NELFB: variants seen among roughly 807,000 people sequenced by gnomAD.
NELFB encodes negative elongation factor complex member B.
Under a neutral mutation model 60.2 loss-of-function variants are expected in NELFB, and 34 were observed. That is an observed-to-expected ratio of 0.56 (90% CI 0.43 to 0.75). The LOEUF is 0.75. Among genes scored for constraint, NELFB ranks in the 30% least tolerant of loss-of-function variants. The pLI, the probability that NELFB is intolerant of heterozygous loss-of-function variation, is 0.00. For synonymous variants in NELFB, 459 were observed against 382.1 expected (o/e 1.20, Z -2.35); for missense variants, 770 against 831.6 (o/e 0.93, Z 0.91).
At chr9:137,262,242 C>G (rs973587974) in intron 4 of NELFB, among the ~76,000 whole-genome samples, 1 of 152,106 alleles carries the variant, frequency 6.6e-6, no homozygotes, top group Non-Finnish European at 1.5e-5. Flanking sequence ...TCTCTAAACT[C>G]CCCCGGGGAA....
intron 4 of NELFB, among the ~76,000 whole-genome samples, chr9:137,257,346 T>G (rs1306181757): frequency 6.6e-6 from 1 of 152,264 alleles, no homozygotes; most frequent in African/African-American, 2.4e-5. Context: ...TCTTTTTCTT[T>G]GAGACGGAGT....
At chr9:137,256,490 A>C in intron 3 of NELFB, 62 bp downstream of exon 3, 1 of 1,485,268 alleles carries the variant, frequency 6.7e-7, no homozygotes, top group East Asian at 2.3e-5. Context: ...GCCCTTGGTT[A>C]GTGGAAGTTC....
Position 137,255,630 on chromosome 9 carries a change from C to CT in NELFB, c.246+19_246+20insT, listed in dbSNP as rs745906856. The CT allele has an allele frequency of 7.1e-6, 11 of 1,539,284 alleles. 1 individual carries two copies. The South Asian group carries it at 1.3e-4, about 19-fold the overall frequency. Reference sequence around the variant, plus strand: ...GTTCCAGGTGGGGCGGCCCCCGGGGCGGGGGGAGCCCAGTTGGAGGGCCGG... The same window carrying CT: ...GTTCCAGGTGGGGCGGCCCCCGGGGCTGGGGGGAGCCCAGTTGGAGGGCCGG... On this transcript the variant is annotated intron_variant, in intron 1 of 12. Coordinates refer to ENST00000343053, the MANE Select transcript of NELFB (RefSeq NM_015456.5).
At chr9:137,261,979 C>CAGAGAGAG (rs61420748) in intron 4 of NELFB, among the ~76,000 whole-genome samples, 37 of 150,240 alleles carry the variant, frequency 2.5e-4, no homozygotes, top group East Asian at 3.9e-4. Flanking sequence ...GCAGCCTAGG[C>CAGAGAGAG]AGAGAGAGAG....
chr9:137,271,892 C>A (rs1830588216), intron 10 of NELFB, among the ~76,000 whole-genome samples, 189 bp from the exon 11 acceptor site: 1 of 151,516 alleles, frequency 6.6e-6, no homozygotes, highest in Non-Finnish European at 1.5e-5. Flanking sequence ...AGGTCCCACC[C>A]CCTGCCTGCC....
rs372024826 is a variant in NELFB, at chr9:137,272,626, G to A, written c.1740+11G>A. 1.8e-4 allele frequency: 289 copies of A among 1,571,656 alleles called. 2 individuals carry two copies. In the East Asian group the frequency reaches 2.0e-3, roughly 11 times the overall value. ...GAGCCTACAGGCCAGGTGGGTGCCC[G>A]GGGGGGCTGCATCTGAAGGCACCTG... is the stretch of plus-strand genomic sequence containing the variant. On this transcript the variant is annotated intron_variant, in intron 12 of 12. Transcript: ENST00000343053.
intron 6 of NELFB, among the ~76,000 whole-genome samples, 155 bp downstream of exon 6, chr9:137,264,512 A>G (rs1294524548): frequency 6.6e-6 from 1 of 152,204 alleles, no homozygotes; most frequent in Non-Finnish European, 1.5e-5. Context: ...GTAGCCCAGG[A>G]TGGAGTGCAG....
Position 137,267,424 on chromosome 9 carries a change from C to T in NELFB, c.1489+78C>T. 2.4e-6 allele frequency: 3 copies of T among 1,252,396 alleles called. No individual in the cohort carries two copies. In the South Asian group the frequency reaches 4.3e-5, roughly 18 times the overall value. 77.6% of individuals were successfully genotyped at this position (1,252,396 alleles called of 1,614,324 possible). A position where few individuals can be genotyped will look rare whatever the true frequency, so the allele number is the denominator to read the frequency against. Reference sequence around the variant, plus strand: ...ATGCAGTCCTGCCCAGGGTGCGGGCCCCAGGGCCCCCAGGAGCTGCCTTGT... The same window carrying T: ...ATGCAGTCCTGCCCAGGGTGCGGGCTCCAGGGCCCCCAGGAGCTGCCTTGT... On this transcript the variant is annotated intron_variant, in intron 10 of 12. Coordinates refer to ENST00000343053, the MANE Select transcript of NELFB (RefSeq NM_015456.5).
In NELFB at chr9:137,271,520, G is replaced by T. The variant is rs146021776; in HGVS notation, c.1490-561G>T. Among the ~76,000 whole-genome samples, 10 of 152,378 alleles carry T rather than the reference G, an allele frequency of 6.6e-5. No individual in the cohort carries two copies. In the East Asian group the frequency reaches 1.7e-3, roughly 26 times the overall value. ...CCAACACCGTGGCTTCTGTGCTGTG[G>T]TCGCACGTGAGGCGTCTGTGGGCAC... On this transcript the variant is annotated intron_variant, in intron 10 of 12. Transcript: ENST00000343053.
At chr9:137,271,990 CAGA>C (rs1188210430) in intron 10 of NELFB, 88 bp from the exon 11 acceptor site, 1 of 1,534,446 alleles carries the variant, frequency 6.5e-7, no homozygotes, top group Non-Finnish European at 8.9e-7. Flanking sequence ...TGAGCACCCC[CAGA>C]AGTAGGTTCT....
In NELFB at chr9:137,255,516, G is replaced by T; in HGVS notation, c.151G>T (p.Ala51Ser). 6.5e-7 allele frequency: 1 copy of T among 1,538,014 alleles called. No homozygotes were observed. The highest frequency in any genetic ancestry group is 8.7e-7 in the Non-Finnish European group (1 of 1,142,946). The stretch of plus-strand genomic sequence containing the variant: ...GGTGGCCGGGGCCTCGGCCATGTTC[G>T]CGGGGCTGCAGGACCTGGGCGTGGC... Residue 51 changes from alanine (A) to serine (S), a missense_variant, in exon 1 of 13, where the codon GCG (alanine) becomes TCG (serine). Coordinates refer to ENST00000343053, the MANE Select transcript of NELFB (RefSeq NM_015456.5).
intron 8 of NELFB, among the ~76,000 whole-genome samples, 156 bp from the exon 9 acceptor site, chr9:137,266,788 G>A (rs555256961): frequency 5.3e-5 from 8 of 152,128 alleles, no homozygotes; most frequent in Non-Finnish European, 8.8e-5. Context: ...TGGGGGACTC[G>A]GGAGGTGGGA....
rs1042543139 is a variant in NELFB, at chr9:137,263,226, G to A, written c.927+4G>A. ...CACCGTGGACCCGTGCCACAAGGTA[G>A]CACTGCCCTCCCTCCTTCCCCCCTA... is the stretch of plus-strand genomic sequence containing the variant. On this transcript the variant is annotated splice_donor_region_variant and intron_variant, in intron 5 of 12. Coordinates refer to ENST00000343053, the MANE Select transcript of NELFB (RefSeq NM_015456.5). 2.5e-6 allele frequency: 4 copies of A among 1,604,276 alleles called. No homozygotes were observed. The highest frequency in any genetic ancestry group is 1.7e-5 in the Admixed American group (1 of 59,894).
rs1005368623 is a variant in NELFB, at chr9:137,255,578, C to T, written c.213C>T (p.Cys71=). ...ACCTGAAGGAGACCCTGACCAACTG[C>T]ACGGAGCCGCTCAAGGCCATCGAGC... is the stretch of plus-strand genomic sequence containing the variant. Residue 71 remains cysteine, a synonymous_variant, in exon 1 of 13, where the codon TGC becomes TGT. Coordinates refer to ENST00000343053, the MANE Select transcript of NELFB (RefSeq NM_015456.5). 11 of 1,549,674 alleles carry T rather than the reference C, an allele frequency of 7.1e-6. No individual in the cohort carries two copies. The African/African-American group carries it at 1.5e-4, about 21-fold the overall frequency.
intron 10 of NELFB, among the ~76,000 whole-genome samples, chr9:137,268,030 C>A (rs1189255330): frequency 6.6e-6 from 1 of 152,044 alleles, no homozygotes; most frequent in African/African-American, 2.4e-5. Flanking sequence ...GGGGCCTTGA[C>A]GGGGGAGGGG....
chr9:137,265,016 C>A (rs1252401365), intron 6 of NELFB, among the ~76,000 whole-genome samples: 1 of 151,112 alleles, frequency 6.6e-6, no homozygotes, highest in Non-Finnish European at 1.5e-5. Flanking sequence ...CCTGCCTTTG[C>A]CACTTTTTTT....
intron 4 of NELFB, among the ~76,000 whole-genome samples, chr9:137,257,343 C>G (rs559716335): frequency 1.3e-5 from 2 of 152,138 alleles, no homozygotes; most frequent in East Asian, 3.9e-4. Flanking sequence ...TTTTCTTTTT[C>G]TTTGAGACGG....
intron 5 of NELFB, 54 bp from the exon 6 acceptor site, chr9:137,264,191 C>T (rs908865062): frequency 7.2e-6 from 10 of 1,398,048 alleles, no homozygotes; most frequent in Middle Eastern, 1.8e-4. Context: ...GGGCCTGGGT[C>T]TCTGGTCATC....
At position 137,255,469 on chromosome 9, in the gene NELFB, G is replaced by T; in HGVS notation, c.104G>T (p.Gly35Val). The T allele has an allele frequency of 6.6e-7, 1 of 1,510,720 alleles. No homozygotes were observed. The highest frequency in any genetic ancestry group is 8.9e-7 in the Non-Finnish European group (1 of 1,128,050). The allele number at this position is 1,510,720 out of a possible 1,614,324, so 93.6% of individuals were successfully genotyped here. A position where few individuals can be genotyped will look rare whatever the true frequency, so the allele number is the denominator to read the frequency against. ...GCGGCGGCGCCGGGGGAACGGGCTG[G>T]GGATGGGGCGCCTAGCCGGGCGGTG... is the stretch of plus-strand genomic sequence containing the variant. Residue 35 changes from glycine to valine, a missense_variant, in exon 1 of 13, where the codon GGG (glycine) becomes GTG (valine). Gly to Val is a moderately radical substitution (Grantham distance 109). Coordinates refer to ENST00000343053, the MANE Select transcript of NELFB (RefSeq NM_015456.5).
Sources: gnomAD v4.1 joint callset for allele counts (sites outside exome capture counted in the v4.1 genomes callset) on GRCh38, gnomAD v4.1.1 for gene constraint, MANE v1.5 for transcripts, NCBI Gene and HGNC (gene_info 2026-07-23, HGNC 2026-07-21) for gene names.